Variants in TTPAL observed in about 807,000 individuals in gnomAD.
TTPAL encodes the protein alpha-tocopherol transfer protein-like.
TTPAL carries 21 observed loss-of-function variants against 28.7 expected under a neutral mutation model. The ratio of observed to expected loss-of-function variants is 0.73; its 90% confidence interval spans 0.52 to 1.06. The LOEUF (loss-of-function observed/expected upper bound fraction) is 1.06, where lower values mean the gene tolerates loss of function less well. Ranked by LOEUF, TTPAL falls within the 50% of genes least tolerant of loss-of-function variation. The pLI is 0.00. For synonymous variants in TTPAL, 169 were observed against 171.9 expected (o/e 0.98, Z 0.13); for missense variants, 345 against 425.5 (o/e 0.81, Z 1.67).
At chr20:44,482,028 T>C (rs1293697482) in intron 2 of TTPAL, among the ~76,000 whole-genome samples, 2 of 152,184 alleles carry the variant, frequency 1.3e-5, no homozygotes, top group East Asian at 3.9e-4. Context: ...TTTCCCCATA[T>C]GTCTGGAGCA....
At chr20:44,487,501 A>C (rs548380621) in intron 4 of TTPAL, among the ~76,000 whole-genome samples, 11 of 152,332 alleles carry the variant, frequency 7.2e-5, no homozygotes, top group African/African-American at 2.6e-4. Context: ...TGTGGGGTTT[A>C]AAAATGCTAC....
At chr20:44,481,360 C>A (rs896024742) in intron 2 of TTPAL, among the ~76,000 whole-genome samples, 2 of 152,052 alleles carry the variant, frequency 1.3e-5, no homozygotes, top group African/African-American at 4.8e-5. Flanking sequence ...GCCTGGGCAA[C>A]ATAGTGAGAC....
intron 1 of TTPAL, among the ~76,000 whole-genome samples, chr20:44,479,129 T>C (rs188655400): frequency 5.3e-5 from 8 of 152,122 alleles, no homozygotes; most frequent in African/African-American, 1.9e-4. Flanking sequence ...CCCATTAATA[T>C]GGTAATATTA....
At chr20:44,486,841 A>G (rs2064156593) in intron 4 of TTPAL, 135 bp downstream of exon 4, 3 of 593,090 alleles carry the variant, frequency 5.1e-6, no homozygotes, top group Non-Finnish European at 8.9e-6. Context: ...AAAATAAATG[A>G]ACAGTCCCTT....
chr20:44,486,104 T>TG (rs2064149453), intron 3 of TTPAL: 1 of 151,980 alleles, frequency 6.6e-6, no homozygotes, highest in Admixed American at 6.6e-5. Context: ...TTTTTTGAGA[T>TG]GGAGTCCAGG....
intron 1 of TTPAL, 52 bp from the exon 2 acceptor site, chr20:44,479,933 A>G: frequency 6.7e-7 from 1 of 1,484,960 alleles, no homozygotes; most frequent in Non-Finnish European, 9.2e-7. Context: ...GTACTGCCCT[A>G]GGATTTGAAA....
chr20:44,488,048 C>T (rs568583402), intron 4 of TTPAL, among the ~76,000 whole-genome samples: 3 of 152,302 alleles, frequency 2.0e-5, no homozygotes, highest in South Asian at 4.1e-4. Flanking sequence ...GGATTACAGG[C>T]GTGAGCCACC....
chr20:44,485,067 C>G (rs141036194), intron 3 of TTPAL, among the ~76,000 whole-genome samples: 3 of 152,078 alleles, frequency 2.0e-5, no homozygotes, highest in Non-Finnish European at 4.4e-5. Flanking sequence ...GAGCTGAGAT[C>G]GCGCCATTGC....
intron 1 of TTPAL, among the ~76,000 whole-genome samples, chr20:44,479,757 G>T (rs958891656): frequency 6.6e-6 from 1 of 152,132 alleles, no homozygotes; most frequent in African/African-American, 2.4e-5. Context: ...GTTTATTAGG[G>T]AGTGTATAGT....
rs1449681450 is a variant in TTPAL at position 44,494,313 on chromosome 20, A to G, written c.*4772A>G. On this transcript the variant is annotated 3_prime_UTR_variant, in exon 5 of 5. Transcript: ENST00000262605. ...GCATATCAGGTAGGAACCTGTTACA[A>G]GTGAAATACTTGAAACCTCTCTGAC... 6.5e-6 allele frequency: 1 copy of G among 152,730 alleles called. No individual in the cohort carries two copies. Among genetic ancestry groups the G allele is most frequent in the Non-Finnish European group, 1.5e-5 (1 of 68,042 alleles). 9.5% of individuals were successfully genotyped at this position (152,730 alleles called of 1,614,324 possible).
Position 44,484,560 on chromosome 20 carries a change from G to A in TTPAL, c.639+30G>A, listed in dbSNP as rs376289547. 49 of 1,501,274 alleles carry A rather than the reference G, an allele frequency of 3.3e-5. No individual in the cohort carries two copies. In the African/African-American group the frequency reaches 5.5e-4, roughly 17 times the overall value. 93.0% of individuals were successfully genotyped at this position (1,501,274 alleles called of 1,614,324 possible). ...GACCCGTATGTGTCCTGCCTGTTTC[G>A]TGGTGGCTCTGGCTTTCCCCAGGGC... On this transcript the variant is annotated intron_variant, in intron 3 of 4. Coordinates refer to ENST00000262605, the MANE Select transcript of TTPAL (RefSeq NM_001039199.3).
intron 2 of TTPAL, among the ~76,000 whole-genome samples, chr20:44,482,466 C>T (rs187801796): frequency 3.5e-4 from 52 of 150,480 alleles, no homozygotes; most frequent in East Asian, 3.2e-3. Context: ...CCAACTACCC[C>T]GGAGGCTGAG....
chr20:44,481,273 A>G (rs551157451), intron 2 of TTPAL, among the ~76,000 whole-genome samples: 1 of 152,314 alleles, frequency 6.6e-6, no homozygotes, highest in Admixed American at 6.5e-5. Context: ...TGCCAGGCGC[A>G]GCAGCTCATA....
In TTPAL at chr20:44,493,495, C is replaced by T. The variant is rs1182828799; in HGVS notation, c.*3954C>T. ...GAGTATTGCTGTGGCGATTATAATA[C>T]TTTTAAAAAGTTTTACCATTTTAAA... On this transcript the variant is annotated 3_prime_UTR_variant, in exon 5 of 5. Transcript: ENST00000262605. 6.6e-6 allele frequency: 1 copy of T among 152,262 alleles called. No individual in the cohort carries two copies. The highest frequency in any genetic ancestry group is 1.5e-5 in the Non-Finnish European group (1 of 68,010). The allele number at this position is 152,262 out of a possible 1,614,324, so 9.4% of individuals were successfully genotyped here.
chr20:44,492,124 T>C lies in TTPAL; in HGVS notation c.*2583T>C, dbSNP rs888494732. Reference sequence around the variant, plus strand: ...AGATAGTTTTGACACCTCAGGAAACTTGAACCAAGCTGTGAAACCAAGACC... The same window carrying C: ...AGATAGTTTTGACACCTCAGGAAACCTGAACCAAGCTGTGAAACCAAGACC... On this transcript the variant is annotated 3_prime_UTR_variant, in exon 5 of 5. Coordinates refer to ENST00000262605, the MANE Select transcript of TTPAL (RefSeq NM_001039199.3). 1 of 152,352 alleles carries C rather than the reference T, an allele frequency of 6.6e-6. No individual in the cohort carries two copies. The highest frequency in any genetic ancestry group is 1.5e-5 in the Non-Finnish European group (1 of 68,032). 9.4% of individuals were successfully genotyped at this position (152,352 alleles called of 1,614,324 possible). A position where few individuals can be genotyped will look rare whatever the true frequency, so the allele number is the denominator to read the frequency against.
In TTPAL at chr20:44,494,107, C is replaced by T. The variant is rs1453249193; in HGVS notation, c.*4566C>T. On this transcript the variant is annotated 3_prime_UTR_variant, in exon 5 of 5. Transcript: ENST00000262605. The stretch of plus-strand genomic sequence containing the variant: ...GTTTGCTTAAAATGCTAGTAACAAA[C>T]ATCACAGTCAACAGGAGCTTGCTTC... 1 of 106,042 alleles carries T rather than the reference C, an allele frequency of 9.4e-6. No homozygotes were observed. Among genetic ancestry groups the T allele is most frequent in the Non-Finnish European group, 1.9e-5 (1 of 54,004 alleles). 6.6% of individuals were successfully genotyped at this position (106,042 alleles called of 1,614,324 possible).
In TTPAL at chr20:44,484,537, CCCGTATGTGTCCTG is replaced by C; in HGVS notation, c.639+10_639+23del. ...GGTGATTGGCATCCTCCAGGTAAGACCCGTATGTGTCCTGCCTGTTTCGTGGTGGCTCTGGCTTT... is the reference window on the plus strand; with the variant it reads ...GGTGATTGGCATCCTCCAGGTAAGACCCTGTTTCGTGGTGGCTCTGGCTTT... On this transcript the variant is annotated splice_region_variant and intron_variant, in intron 3 of 4. Coordinates refer to ENST00000262605, the MANE Select transcript of TTPAL (RefSeq NM_001039199.3). 1.3e-6 allele frequency: 2 copies of C among 1,554,176 alleles called. No homozygotes were observed. Among genetic ancestry groups the C allele is most frequent in the Non-Finnish European group, 1.8e-6 (2 of 1,134,768 alleles).
rs1362357081 is a variant in TTPAL, at chr20:44,494,450, G to A, written c.*4909G>A. On this transcript the variant is annotated 3_prime_UTR_variant, in exon 5 of 5. Transcript: ENST00000262605. ...AAACTGAAATTCAGTTTGGCTTTGA[G>A]TATAGGGATACATGGTGGATTCATG... is the stretch of plus-strand genomic sequence containing the variant. 3 of 152,766 alleles carry A rather than the reference G, an allele frequency of 2.0e-5. No individual in the cohort carries two copies. The highest frequency in any genetic ancestry group is 1.3e-4 in the Admixed American group (2 of 15,284). 9.5% of individuals were successfully genotyped at this position (152,766 alleles called of 1,614,324 possible). A position where few individuals can be genotyped will look rare whatever the true frequency, so the allele number is the denominator to read the frequency against.
chr20:44,477,022 A>T (rs1276027253), intron 1 of TTPAL, among the ~76,000 whole-genome samples: 1 of 152,204 alleles, frequency 6.6e-6, no homozygotes, highest in Non-Finnish European at 1.5e-5. Context: ...ATGGCAGCTG[A>T]GCCTGAGCTG....
Sources: allele counts gnomAD v4.1 joint callset (sites outside exome capture counted in the v4.1 genomes callset), GRCh38; gene constraint gnomAD v4.1.1; transcripts MANE v1.5; gene names NCBI Gene and HGNC (gene_info 2026-07-23, HGNC 2026-07-21).